FAT4: variants seen among roughly 807,000 people sequenced by gnomAD.
The protein encoded by FAT4 is FAT atypical cadherin 4, also known as protocadherin Fat 4.
Under a neutral mutation model 303.9 loss-of-function variants are expected in FAT4, and 84 were observed. That is an observed-to-expected ratio of 0.28 (90% CI 0.23 to 0.33). The LOEUF is 0.33. Ranked by LOEUF, FAT4 falls within the 10% of genes least tolerant of loss-of-function variation. The pLI is 1.00. For synonymous variants in FAT4, 2,307 were observed against 2,298.8 expected (o/e 1.00, Z -0.10); for missense variants, 6,005 against 6,146.8 (o/e 0.98, Z 0.77).
chr4:125,487,889 A>G (rs1021868163), intron 17 of FAT4, among the ~76,000 whole-genome samples: 1 of 152,170 alleles, frequency 6.6e-6, no homozygotes, highest in Admixed American at 6.5e-5. Flanking sequence ...TTCAGTCCAT[A>G]GTGTTTTGAT....
At chr4:125,351,171 T>C (rs528931950) in intron 2 of FAT4, among the ~76,000 whole-genome samples, 1 of 151,860 alleles carries the variant, frequency 6.6e-6, no homozygotes, top group Non-Finnish European at 1.5e-5. Flanking sequence ...TTAACTTACA[T>C]TCAAATGCAA....
At position 125,317,782 on chromosome 4, in the gene FAT4, T is replaced by G. The variant is rs761502205; in HGVS notation, c.1371T>G (p.Ser457=). The stretch of plus-strand genomic sequence containing the variant: ...GCGCAGCAGTCCAGGCGCGCTCTTC[T>G]GTGGCAAGCCTGGTGATTTTTGTTA... ...PPGAAVQARS[S]VASLVIFVND... Residue 457 remains serine, a synonymous_variant, in exon 2 of 18, where the codon TCT becomes TCG. Transcript: ENST00000394329. The surrounding 1 kb of genome is among the most constrained non-coding windows in gnomAD (Gnocchi z 7.0). The G allele has an allele frequency of 1.2e-6, 2 of 1,614,218 alleles. No homozygotes were observed. Among genetic ancestry groups the G allele is most frequent in the Non-Finnish European group, 8.5e-7 (1 of 1,180,022 alleles).
intron 12 of FAT4, among the ~76,000 whole-genome samples, chr4:125,473,328 C>T (rs2126080671): frequency 6.6e-6 from 1 of 151,972 alleles, no homozygotes; most frequent in East Asian, 1.9e-4. Flanking sequence ...TAAAAATCCA[C>T]CTGACTTTAA....
intron 5 of FAT4, among the ~76,000 whole-genome samples, chr4:125,413,866 A>C (rs1734938339): frequency 6.6e-6 from 1 of 152,006 alleles, no homozygotes; most frequent in East Asian, 1.9e-4. Context: ...AATTAATGTT[A>C]GAAATATAGA....
At chr4:125,360,025 C>G (rs2125984185) in intron 2 of FAT4, among the ~76,000 whole-genome samples, 1 of 152,240 alleles carries the variant, frequency 6.6e-6, no homozygotes, top group Admixed American at 6.5e-5. Context: ...AACCTAAATT[C>G]AAGTGTCCTA....
At position 125,449,924 on chromosome 4, in the gene FAT4, A is replaced by G; in HGVS notation, c.8914A>G (p.Thr2972Ala). 1 of 1,613,954 alleles carries G rather than the reference A, an allele frequency of 6.2e-7. No individual in the cohort carries two copies. Among genetic ancestry groups the G allele is most frequent in the Non-Finnish European group, 8.5e-7 (1 of 1,179,938 alleles). Residue 2972 changes from threonine (T) to alanine (A), a missense_variant, in exon 10 of 18, where the codon ACC (threonine) becomes GCC (alanine). Physicochemically the swap from Thr to Ala is moderately conservative, Grantham distance 58. Coordinates refer to ENST00000394329, the MANE Select transcript of FAT4 (RefSeq NM_001291303.3). ...KPSLISETTV[T>A]INIVDSNDNA... ...TTCCTTAATTAGTGAGACAACAGTT[A>G]CCATCAATATAGTGGACAGTAATGA... is the stretch of plus-strand genomic sequence containing the variant.
chr4:125,434,986 C>T (rs1200346929), intron 8 of FAT4, among the ~76,000 whole-genome samples: 1 of 152,212 alleles, frequency 6.6e-6, no homozygotes, highest in Non-Finnish European at 1.5e-5. Flanking sequence ...TTCTATAATA[C>T]TCTGTTGGTC....
chr4:125,406,926 A>G lies in FAT4; in HGVS notation c.5354A>G (p.Asp1785Gly), dbSNP rs150299411. ...VTYTIISGAD[D>G]SFRIDPESGD... ...TACACTATCATTAGTGGAGCTGATG[A>G]TAGTTTTCGCATCGACCCAGAATCC... Residue 1785 changes from aspartate to glycine, a missense_variant, in exon 4 of 18, where the codon GAT becomes GGT. Physicochemically the swap from Asp to Gly is moderately conservative, Grantham distance 94. Transcript: ENST00000394329. 3.7e-6 allele frequency: 6 copies of G among 1,613,700 alleles called. No individual in the cohort carries two copies. Among genetic ancestry groups the G allele is most frequent in the African/African-American group, 1.3e-5 (1 of 74,874 alleles).
At chr4:125,398,699 T>G in intron 2 of FAT4, 85 bp from the exon 3 acceptor site, 1 of 1,362,352 alleles carries the variant, frequency 7.3e-7, no homozygotes. Context: ...GCAGTCTTGA[T>G]TGCGTGGATT....
In FAT4 at chr4:125,317,911, T is replaced by G. The variant is rs764413773; in HGVS notation, c.1500T>G (p.Thr500=). 1.2e-6 allele frequency: 2 copies of G among 1,614,196 alleles called. No homozygotes were observed. Among genetic ancestry groups the G allele is most frequent in the East Asian group, 2.2e-5 (1 of 44,866 alleles). ...GCTATGTGAGTGGGATATCTGCCAC[T>G]GATGGCGACTCTGGTCTCAATGCTA... is the stretch of plus-strand genomic sequence containing the variant. The part of the protein sequence containing the change: ...PGSYVSGISA[T]DGDSGLNANL... The change falls in exon 2 of 18, where the codon ACT becomes ACG. Residue 500 remains threonine (T), a synonymous_variant. Coordinates refer to ENST00000394329, the MANE Select transcript of FAT4 (RefSeq NM_001291303.3). The surrounding 1 kb of genome is among the most constrained non-coding windows in gnomAD (Gnocchi z 7.0).
At chr4:125,427,890 A>G (rs1725143265) in intron 7 of FAT4, among the ~76,000 whole-genome samples, 1 of 152,254 alleles carries the variant, frequency 6.6e-6, no homozygotes, top group Admixed American at 6.5e-5. Flanking sequence ...ATTATAAAAA[A>G]TATAATCTTC....
At position 125,450,482 on chromosome 4, in the gene FAT4, C is replaced by A. The variant is rs1726017363; in HGVS notation, c.9472C>A (p.Leu3158Ile). Residue 3158 changes from leucine (L) to isoleucine (I), a missense_variant, in exon 10 of 18, where the codon CTA (leucine) becomes ATA (isoleucine). Physicochemically the swap from Leu to Ile is conservative, Grantham distance 5 (BLOSUM62 2). Transcript: ENST00000394329. ...LTLAKALDYE[L>I]CQKHEMTISA... ...ACTAGCCAAAGCTCTTGATTATGAG[C>A]TATGCCAGAAACACGAAATGACGAT... 6.2e-7 allele frequency: 1 copy of A among 1,613,982 alleles called. No individual in the cohort carries two copies. Among genetic ancestry groups the A allele is most frequent in the African/African-American group, 1.3e-5 (1 of 74,928 alleles).
intron 2 of FAT4, among the ~76,000 whole-genome samples, chr4:125,355,977 T>G (rs1242760829): frequency 3.3e-5 from 5 of 152,040 alleles, no homozygotes. Context: ...CCCTGCTGTT[T>G]GGATCATGTT....
chr4:125,489,030 T>C (rs1181640019), intron 17 of FAT4, among the ~76,000 whole-genome samples: 1 of 152,094 alleles, frequency 6.6e-6, no homozygotes, highest in Non-Finnish European at 1.5e-5. Context: ...GTCACTATGG[T>C]AGAATGATGC....
intron 7 of FAT4, among the ~76,000 whole-genome samples, chr4:125,430,593 C>T (rs536600837): frequency 2.6e-5 from 4 of 152,008 alleles, no homozygotes; most frequent in African/African-American, 9.6e-5. Flanking sequence ...GACTTGTGTG[C>T]ACATTTCCTG....
At chr4:125,485,983 C>A (rs891860477) in intron 16 of FAT4, among the ~76,000 whole-genome samples, 9 of 152,076 alleles carry the variant, frequency 5.9e-5, no homozygotes, top group Admixed American at 2.0e-4. Context: ...ACAGTACTGC[C>A]AGGGAGAAGG....
chr4:125,331,120 A>T (rs950945665), intron 2 of FAT4, among the ~76,000 whole-genome samples: 10 of 151,752 alleles, frequency 6.6e-5, no homozygotes, highest in Non-Finnish European at 1.2e-4. Context: ...CTTTTTTCTT[A>T]TCATCACCCG....
chr4:125,317,911 T>A lies in FAT4; in HGVS notation c.1500T>A (p.Thr500=). Residue 500 remains threonine, a synonymous_variant, in exon 2 of 18, where the codon ACT becomes ACA. Transcript: ENST00000394329. This position sits in a 1 kb window ranked among gnomAD's most constrained non-coding sequence, Gnocchi z 7.0. ...GCTATGTGAGTGGGATATCTGCCAC[T>A]GATGGCGACTCTGGTCTCAATGCTA... ...PGSYVSGISA[T]DGDSGLNANL... 1 of 1,614,196 alleles carries A rather than the reference T, an allele frequency of 6.2e-7. No individual in the cohort carries two copies. Among genetic ancestry groups the A allele is most frequent in the Non-Finnish European group, 8.5e-7 (1 of 1,180,030 alleles).
chr4:125,436,063 G>T (rs1725440332), intron 8 of FAT4, among the ~76,000 whole-genome samples: 1 of 133,536 alleles, frequency 7.5e-6, no homozygotes, highest in Non-Finnish European at 1.6e-5. Flanking sequence ...GGGGGGGAGG[G>T]ATAGCATTAG....
Sources: gnomAD v4.1 joint callset for allele counts (sites outside exome capture counted in the v4.1 genomes callset) on GRCh38, gnomAD v4.1.1 for gene constraint, Gnocchi (gnomAD v3.1) non-coding constraint, MANE v1.5 for transcripts, NCBI Gene and HGNC (gene_info 2026-07-23, HGNC 2026-07-21) for gene names.